The following ESYT1 variants were observed in gnomAD, a reference collection of about 807,000 sequenced individuals.
ESYT1 encodes the protein extended synaptotagmin 1.
In ESYT1, 116 loss-of-function variants were observed where a neutral mutation model predicts 154.2. The observed-to-expected ratio is 0.75, with a 90% CI of 0.65 to 0.88. ESYT1 has a LOEUF of 0.88. Ranked by LOEUF, ESYT1 falls within the 40% of genes least tolerant of loss-of-function variation. The pLI, the probability that ESYT1 is intolerant of heterozygous loss-of-function variation, is 0.00. For missense variants in ESYT1, 1,264 were observed against 1,379.3 expected, an observed-to-expected ratio of 0.92 and a Z score of 1.32; for synonymous variants, 500 against 539.9, an observed-to-expected ratio of 0.93 and a Z score of 1.02.
chr12:56,137,241 A>G lies in ESYT1; in HGVS notation c.1806A>G (p.Glu602=). 6.2e-7 allele frequency: 1 copy of G among 1,614,126 alleles called. No individual in the cohort carries two copies. The highest frequency in any genetic ancestry group is 8.5e-7 in the Non-Finnish European group (1 of 1,180,026). Residue 602 remains glutamate (E), a synonymous_variant, in exon 17 of 31, where the codon GAA becomes GAG. Coordinates refer to ENST00000394048, the MANE Select transcript of ESYT1 (RefSeq NM_015292.3). ...VMRILYLDSS[E]ICFPTVPGCP... ...AGATCCTGTACTTGGATTCATCAGA[A>G]ATATGCTTCCCCACGGTGCCTGGTT...
intron 24 of ESYT1, among the ~76,000 whole-genome samples, chr12:56,139,236 G>C (rs557697552): frequency 6.6e-6 from 1 of 151,724 alleles, no homozygotes; most frequent in African/African-American, 2.4e-5. Flanking sequence ...AGCCTCCCAA[G>C]TAGCTGGGAC....
intron 15 of ESYT1, 34 bp from the exon 16 acceptor site, chr12:56,136,710 C>T (rs370082157): frequency 6.5e-7 from 1 of 1,544,012 alleles, no homozygotes; most frequent in African/African-American, 1.4e-5. Flanking sequence ...TTCCCCTAAT[C>T]CCTTCACTAC....
rs758288720 is a variant in ESYT1, at chr12:56,128,307, C to G, written c.-13C>G. The G allele has an allele frequency of 5.7e-5, 92 of 1,604,498 alleles. No individual in the cohort carries two copies. In the South Asian group the frequency reaches 1.0e-3, roughly 17 times the overall value. On this transcript the variant is annotated 5_prime_UTR_variant, in exon 1 of 31. Transcript: ENST00000394048. ...AGTCCCTGGGTCGGGCGGATCCTCC[C>G]AGAGGTGGCACAATGGAGCGATCTC... is the stretch of plus-strand genomic sequence containing the variant.
chr12:56,140,788 T>C (rs1445212153), intron 24 of ESYT1, among the ~76,000 whole-genome samples: 1 of 152,036 alleles, frequency 6.6e-6, no homozygotes, highest in African/African-American at 2.4e-5. Context: ...GAGGAGACTG[T>C]TAGAGCAGTC....
chr12:56,128,435 G>A lies in ESYT1; in HGVS notation c.116G>A (p.Gly39Glu). 1 of 1,612,922 alleles carries A rather than the reference G, an allele frequency of 6.2e-7. No individual in the cohort carries two copies. Among genetic ancestry groups the A allele is most frequent in the Non-Finnish European group, 8.5e-7 (1 of 1,179,494 alleles). ...CACGCAAAGCCAGACCCAGGTTCTGGGGGCCAACCTGCTGGCCCTGGCGCG... is the reference window on the plus strand; with the variant it reads ...CACGCAAAGCCAGACCCAGGTTCTGAGGGCCAACCTGCTGGCCCTGGCGCG... Reference protein sequence around the residue: ...AAHAKPDPGSGGQPAGPGAAG... With the variant: ...AAHAKPDPGSEGQPAGPGAAG... The change falls in exon 1 of 31, where the codon GGG (glycine) becomes GAG (glutamate). Residue 39 changes from glycine to glutamate, a missense_variant. Coordinates refer to ENST00000394048, the MANE Select transcript of ESYT1 (RefSeq NM_015292.3).
intron 1 of ESYT1, chr12:56,128,950 T>C: frequency 1.8e-6 from 1 of 546,846 alleles, no homozygotes; most frequent in Non-Finnish European, 3.3e-6. Context: ...TCAGGACTTC[T>C]TCCTCTACTT....
intron 15 of ESYT1, among the ~76,000 whole-genome samples, chr12:56,135,919 GGT>G (rs1870431830): frequency 6.6e-6 from 1 of 151,280 alleles, no homozygotes; most frequent in Non-Finnish European, 1.5e-5. Context: ...AAATTTGCCA[GGT>G]GTGGTGGCAT....
chr12:56,136,312 G>C (rs1463527293), intron 15 of ESYT1, among the ~76,000 whole-genome samples: 1 of 152,102 alleles, frequency 6.6e-6, no homozygotes, highest in Non-Finnish European at 1.5e-5. Flanking sequence ...AAGGTGGAAG[G>C]GGCCATGGAT....
At chr12:56,134,635 G>A (rs1020939448) in intron 15 of ESYT1, among the ~76,000 whole-genome samples, 3 of 148,896 alleles carry the variant, frequency 2.0e-5, no homozygotes, top group Non-Finnish European at 4.4e-5. Flanking sequence ...GTCTCGCTCT[G>A]TTGCCCAGGC....
Position 56,142,732 on chromosome 12 carries a change from G to A in ESYT1, c.2888G>A (p.Ser963Asn). The change falls in exon 26 of 31, where the codon AGT (serine) becomes AAT (asparagine). Residue 963 changes from serine (S) to asparagine (N), a missense_variant and splice_region_variant. Coordinates refer to ENST00000394048, the MANE Select transcript of ESYT1 (RefSeq NM_015292.3). The surrounding 1 kb of genome is among the most constrained non-coding windows in gnomAD (Gnocchi z 4.1). ...CGGCAGCGCCTAACACATGTTGACA[G>A]GTAAAGGGCTGGGACAGGAAGGTGG... Reference protein sequence around the residue: ...ELRQRLTHVDSPLEAPAGPLG... With the variant: ...ELRQRLTHVDNPLEAPAGPLG... The A allele has an allele frequency of 6.2e-7, 1 of 1,613,742 alleles. No individual in the cohort carries two copies. The highest frequency in any genetic ancestry group is 1.1e-5 in the South Asian group (1 of 91,080).
At chr12:56,136,666 G>A in intron 15 of ESYT1, 78 bp from the exon 16 acceptor site, 3 of 1,345,348 alleles carry the variant, frequency 2.2e-6, no homozygotes, top group Non-Finnish European at 2.0e-6. Flanking sequence ...AATGAAGTTG[G>A]AGCCATGTTA....
intron 24 of ESYT1, among the ~76,000 whole-genome samples, chr12:56,139,324 C>A (rs1378485567): frequency 1.3e-5 from 2 of 152,050 alleles, no homozygotes; most frequent in Admixed American, 6.6e-5. Flanking sequence ...GTTAGCCAGG[C>A]TGGTCTCGAA....
chr12:56,131,369 T>A, intron 5 of ESYT1, 53 bp downstream of exon 5: 1 of 1,611,424 alleles, frequency 6.2e-7, no homozygotes, highest in Non-Finnish European at 8.5e-7. Flanking sequence ...CTGCGTTTCA[T>A]GGGATATGGG....
intron 24 of ESYT1, among the ~76,000 whole-genome samples, chr12:56,141,929 G>T (rs146859481): frequency 8.4e-4 from 127 of 151,534 alleles, no homozygotes; most frequent in Non-Finnish European, 1.4e-3. Context: ...AGAAACCCCA[G>T]CTCTACTAAA....
At chr12:56,137,152 C>T in intron 16 of ESYT1, 66 bp from the exon 17 acceptor site, 1 of 1,590,652 alleles carries the variant, frequency 6.3e-7, no homozygotes, top group Non-Finnish European at 8.6e-7. Flanking sequence ...CTACCCCACC[C>T]CACATGCTTT....
In ESYT1 at chr12:56,138,207, T is replaced by C. The variant is rs770081722; in HGVS notation, c.2272T>C (p.Ser758Pro). The C allele has an allele frequency of 6.2e-7, 1 of 1,614,180 alleles. No individual in the cohort carries two copies. The highest frequency in any genetic ancestry group is 8.5e-7 in the Non-Finnish European group (1 of 1,180,022). Residue 758 changes from serine to proline, a missense_variant, in exon 21 of 31, where the codon TCT (serine) becomes CCT (proline). By Grantham distance (74) the Ser-to-Pro change is moderately conservative. Transcript: ENST00000394048. The part of the protein sequence containing the change: ...DEWLTLEDVP[S>P]GRLHLRLERL... ...GTGGCTGACCCTGGAGGATGTCCCA[T>C]CTGGCCGCCTGCACTTGCGCCTGGA... is the stretch of plus-strand genomic sequence containing the variant.
intron 24 of ESYT1, among the ~76,000 whole-genome samples, chr12:56,141,609 G>T (rs1371588480): frequency 6.6e-6 from 1 of 152,138 alleles, no homozygotes; most frequent in African/African-American, 2.4e-5. Flanking sequence ...GTGTGGTGGC[G>T]GACACCTGTA....
rs1040290850 is a variant in ESYT1 at position 56,135,828 on chromosome 12, G to A, written c.1633-916G>A. Among the ~76,000 whole-genome samples the A allele has an allele frequency of 6.6e-5, 10 of 151,420 alleles. No homozygotes were observed. In the East Asian group the frequency reaches 2.0e-3, roughly 30 times the overall value. ...TGCTTGAGTCCGGGAGGCGGAGGTT[G>A]CAGTGAGCCAAGATAGCGTCACTGC... On this transcript the variant is annotated intron_variant, in intron 15 of 30. Coordinates refer to ENST00000394048, the MANE Select transcript of ESYT1 (RefSeq NM_015292.3).
chr12:56,138,071 T>G lies in ESYT1; in HGVS notation c.2244T>G (p.Asp748Glu), dbSNP rs970562740. Residue 748 changes from aspartate to glutamate, a missense_variant, in exon 20 of 31, where the codon GAT becomes GAG. Coordinates refer to ENST00000394048, the MANE Select transcript of ESYT1 (RefSeq NM_015292.3). Reference sequence around the variant, plus strand: ...CAGTCTTAAACAGTGGCTTCCTTGATGAGGTGAGCATTGAATTAGAGTCAA... The same window carrying G: ...CAGTCTTAAACAGTGGCTTCCTTGAGGAGGTGAGCATTGAATTAGAGTCAA... ...LTTVLNSGFL[D>E]EWLTLEDVPS... 1.1e-5 allele frequency: 17 copies of G among 1,614,086 alleles called. No homozygotes were observed. Among genetic ancestry groups the G allele is most frequent in the Non-Finnish European group, 1.4e-5 (17 of 1,180,042 alleles).
Sources: gnomAD v4.1 joint callset for allele counts (sites outside exome capture counted in the v4.1 genomes callset) on GRCh38, gnomAD v4.1.1 for gene constraint, Gnocchi (gnomAD v3.1) non-coding constraint, MANE v1.5 for transcripts, NCBI Gene and HGNC (gene_info 2026-07-23, HGNC 2026-07-21) for gene names.